The following MAP3K3 variants were observed in gnomAD, a reference collection of about 807,000 sequenced individuals.
MAP3K3 encodes mitogen-activated protein kinase kinase kinase 3, also known as MAP/ERK kinase kinase 3.
Under a neutral mutation model 80.9 loss-of-function variants are expected in MAP3K3, and 12 were observed. The observed-to-expected ratio is 0.15, with a 90% CI of 0.10 to 0.24. The LOEUF is 0.24. Ranked by LOEUF, MAP3K3 falls within the 10% of genes least tolerant of loss-of-function variation. The pLI is 1.00. For missense variants in MAP3K3, 596 were observed against 834.7 expected, an observed-to-expected ratio of 0.71 and a Z score of 3.52; for synonymous variants, 272 against 307.1, an observed-to-expected ratio of 0.89 and a Z score of 1.19.
At chr17:63,687,374 G>A (rs144331446) in intron 8 of MAP3K3, among the ~76,000 whole-genome samples, 1,722 of 151,530 alleles carry the variant, frequency 0.011, 29 homozygotes, top group African/African-American at 0.04. Context: ...ATAGCTGGGC[G>A]TGGTGGCAGG....
chr17:63,670,493 G>A (rs1454717614), intron 6 of MAP3K3, among the ~76,000 whole-genome samples: 3 of 150,834 alleles, frequency 2.0e-5, no homozygotes, highest in Admixed American at 6.6e-5. Context: ...TGAGGCAGGA[G>A]GATCACTTGA....
rs781384783 is a variant in MAP3K3 at position 63,690,397 on chromosome 17, T to C, written c.1197T>C (p.Ser399=). 1.9e-6 allele frequency: 3 copies of C among 1,614,012 alleles called. No homozygotes were observed. The South Asian group carries it at 3.3e-5, about 18-fold the overall frequency. The stretch of plus-strand genomic sequence containing the variant: ...AGCAGGTCCAATTTGATCCAGACAG[T>C]CCTGAGACAAGCAAGGTACACTTAA... ...ASKQVQFDPD[S]PETSKEVSAL... Residue 399 remains serine, a synonymous_variant, in exon 12 of 16, where the codon AGT becomes AGC. Coordinates refer to ENST00000361733, the MANE Select transcript of MAP3K3 (RefSeq NM_002401.5).
chr17:63,689,955 AG>A lies in MAP3K3; in HGVS notation c.1063+223del. The A allele has an allele frequency of 5.1e-6, 3 of 587,402 alleles. No homozygotes were observed. The South Asian group carries it at 6.7e-5, about 13-fold the overall frequency. The allele number at this position is 587,402 out of a possible 1,614,324, so 36.4% of individuals were successfully genotyped here. A position where few individuals can be genotyped will look rare whatever the true frequency, so the allele number is the denominator to read the frequency against. On this transcript the variant is annotated intron_variant, in intron 11 of 15. Transcript: ENST00000361733. This position sits in a 1 kb window ranked among gnomAD's most constrained non-coding sequence, Gnocchi z 4.3. ...TCTTTAGTTTTTCCATGTTTAAACT[AG>A]GGAAGAGCACACCCTTCATCCCTGC...
At chr17:63,641,367 C>T (rs559798314) in intron 2 of MAP3K3, among the ~76,000 whole-genome samples, 4 of 151,834 alleles carry the variant, frequency 2.6e-5, no homozygotes, top group East Asian at 3.9e-4. Flanking sequence ...CTCAGCCTCC[C>T]GAATAGCTGG....
At chr17:63,650,971 C>T (rs1568131914) in intron 3 of MAP3K3, among the ~76,000 whole-genome samples, 1 of 151,936 alleles carries the variant, frequency 6.6e-6, no homozygotes, top group Non-Finnish European at 1.5e-5. Context: ...TGCTTGGCCC[C>T]CAAGATTTTT....
In MAP3K3 at chr17:63,667,073, A is replaced by G. The variant is rs1323737859; in HGVS notation, c.502+13A>G. On this transcript the variant is annotated intron_variant, in intron 6 of 15. Transcript: ENST00000361733. ...CACCTCTCTGTCAGTGAGTATTTCA[A>G]CCCTTTTTTCTCCCCCTCTATTTTA... The G allele has an allele frequency of 6.4e-7, 1 of 1,568,688 alleles. No homozygotes were observed. Among genetic ancestry groups the G allele is most frequent in the South Asian group, 1.2e-5 (1 of 84,280 alleles).
intron 5 of MAP3K3, among the ~76,000 whole-genome samples, chr17:63,663,058 G>T (rs1366329572): frequency 6.6e-6 from 1 of 152,020 alleles, no homozygotes; most frequent in Non-Finnish European, 1.5e-5. Context: ...TAGAAGCCAA[G>T]CAGAAAGTAT....
intron 2 of MAP3K3, 56 bp from the exon 3 acceptor site, chr17:63,645,978 G>T: frequency 1.4e-6 from 2 of 1,436,710 alleles, no homozygotes; most frequent in Non-Finnish European, 2.0e-6. Flanking sequence ...CTTGGCAATG[G>T]CAGGAGTGAC....
At position 63,694,456 on chromosome 17, in the gene MAP3K3, C is replaced by A. The variant is rs2035653538; in HGVS notation, c.*679C>A. On this transcript the variant is annotated 3_prime_UTR_variant, in exon 16 of 16. Transcript: ENST00000361733. The stretch of plus-strand genomic sequence containing the variant: ...GGCCCGCGATGTGGAACTGCTGCCA[C>A]TGAGGGGGGATCCAGTTTTGTCAAT... The A allele has an allele frequency of 6.5e-6, 1 of 152,786 alleles. No homozygotes were observed. Among genetic ancestry groups the A allele is most frequent in the African/African-American group, 2.4e-5 (1 of 41,472 alleles). 9.5% of individuals were successfully genotyped at this position (152,786 alleles called of 1,614,324 possible).
At chr17:63,654,733 G>T (rs1383119925) in intron 4 of MAP3K3, among the ~76,000 whole-genome samples, 1 of 152,150 alleles carries the variant, frequency 6.6e-6, no homozygotes, top group African/African-American at 2.4e-5. Context: ...CCGAGACTGG[G>T]TAATTTATAA....
intron 2 of MAP3K3, among the ~76,000 whole-genome samples, chr17:63,640,351 A>G (rs1568126662): frequency 6.6e-6 from 1 of 152,176 alleles, no homozygotes; most frequent in Non-Finnish European, 1.5e-5. Flanking sequence ...ATATAGACAC[A>G]TATGGCTAGA....
At chr17:63,690,041 T>C (rs968507027) in intron 11 of MAP3K3, 4 of 601,138 alleles carry the variant, frequency 6.7e-6, no homozygotes, top group Non-Finnish European at 1.2e-5. Flanking sequence ...AGAAGAGCAT[T>C]TAACCATGAC....
intron 5 of MAP3K3, among the ~76,000 whole-genome samples, chr17:63,658,629 G>C (rs544473364): frequency 6.6e-6 from 1 of 152,194 alleles, no homozygotes; most frequent in South Asian, 2.1e-4. Flanking sequence ...TGCTTGACAG[G>C]CTTTCCTTTT....
intron 1 of MAP3K3, among the ~76,000 whole-genome samples, chr17:63,623,833 G>A (rs2034045103): frequency 6.6e-6 from 1 of 152,208 alleles, no homozygotes; most frequent in South Asian, 2.1e-4. Context: ...AAAACGTTCC[G>A]TTGCTTCTGT....
chr17:63,646,709 G>A (rs919594894), intron 3 of MAP3K3, among the ~76,000 whole-genome samples: 4 of 152,094 alleles, frequency 2.6e-5, no homozygotes, highest in African/African-American at 7.2e-5. Context: ...TTTCATTATT[G>A]TTATTTTTTG....
chr17:63,675,638 C>T (rs141609655), intron 6 of MAP3K3, among the ~76,000 whole-genome samples: 11 of 152,366 alleles, frequency 7.2e-5, no homozygotes, highest in African/African-American at 2.6e-4. Context: ...TTAAACCCCG[C>T]TTTTCTCCTT....
intron 7 of MAP3K3, 40 bp from the exon 8 acceptor site, chr17:63,685,477 G>C: frequency 6.5e-7 from 1 of 1,539,862 alleles, no homozygotes; most frequent in Admixed American, 1.7e-5. Context: ...GGGGGAATTG[G>C]GGCTGGGGGT....
At chr17:63,635,928 A>C (rs2143206925) in intron 2 of MAP3K3, among the ~76,000 whole-genome samples, 1 of 152,346 alleles carries the variant, frequency 6.6e-6, no homozygotes, top group Admixed American at 6.5e-5. Flanking sequence ...AGTTGAAAGA[A>C]GCTAAGCATT....
At chr17:63,623,029 C>T (rs900603365) in intron 1 of MAP3K3, among the ~76,000 whole-genome samples, 3 of 150,736 alleles carry the variant, frequency 2.0e-5, no homozygotes, top group Non-Finnish European at 3.0e-5. Flanking sequence ...CCCGGGGAAG[C>T]GGCGGCGGGA....
Sources: allele counts gnomAD v4.1 joint callset (sites outside exome capture counted in the v4.1 genomes callset), GRCh38; gene constraint gnomAD v4.1.1; non-coding constraint Gnocchi (gnomAD v3.1); transcripts MANE v1.5; gene names NCBI Gene and HGNC (gene_info 2026-07-23, HGNC 2026-07-21).